Variants in MYO5B observed in about 807,000 individuals in gnomAD.
MYO5B encodes the protein unconventional myosin-Vb.
In MYO5B, 143 loss-of-function variants were observed where a neutral mutation model predicts 229.3. The ratio of observed to expected loss-of-function variants is 0.62; its 90% CI spans 0.54 to 0.72. MYO5B has a LOEUF of 0.72. MYO5B is among the 30% of genes least tolerant of loss of function. The probability of loss-of-function intolerance (pLI) is 0.00; values close to 1 mark genes in which losing one functional copy is unlikely to be tolerated. For missense variants in MYO5B, 2,321 were observed against 2,331.0 expected (o/e 1.00, Z 0.09); for synonymous variants, 918 against 885.2 (o/e 1.04, Z -0.66).
intron 25 of MYO5B, among the ~76,000 whole-genome samples, chr18:49,877,122 TACGTGCGCGCACAC>T (rs2024533477): frequency 6.7e-6 from 1 of 150,228 alleles, no homozygotes; most frequent in Non-Finnish European, 1.5e-5. Flanking sequence ...GTTCTGTGTG[TACGTGCGCGCACAC>T]ACACGCGCGC....
At chr18:50,115,011 CGAAG>C in intron 1 of MYO5B, among the ~76,000 whole-genome samples, 1 of 152,346 alleles carries the variant, frequency 6.6e-6, no homozygotes, top group East Asian at 1.9e-4. Flanking sequence ...AGAACAGAGA[CGAAG>C]CCAGAGGACA....
chr18:50,114,039 C>G (rs2031913860), intron 1 of MYO5B, among the ~76,000 whole-genome samples: 2 of 152,202 alleles, frequency 1.3e-5, no homozygotes. Context: ...GCCACCTGAG[C>G]TTGGCTTTGT....
At chr18:50,116,973 G>A (rs766698469) in intron 1 of MYO5B, among the ~76,000 whole-genome samples, 1 of 152,088 alleles carries the variant, frequency 6.6e-6, no homozygotes, top group Non-Finnish European at 1.5e-5. Flanking sequence ...TTTTGACAAT[G>A]ACACACTGTC....
At chr18:49,834,198 G>C (rs1264851011) in intron 39 of MYO5B, among the ~76,000 whole-genome samples, 1 of 152,188 alleles carries the variant, frequency 6.6e-6, no homozygotes, top group East Asian at 1.9e-4. Flanking sequence ...AAAGGGAACA[G>C]GTTCTTGTAC....
chr18:50,020,968 G>A (rs1416280757), intron 4 of MYO5B, among the ~76,000 whole-genome samples: 3 of 152,188 alleles, frequency 2.0e-5, no homozygotes, highest in African/African-American at 7.2e-5. Flanking sequence ...GGGCATTCCT[G>A]TAGCTCAAAC....
chr18:50,124,324 C>T (rs549033723), intron 1 of MYO5B, among the ~76,000 whole-genome samples: 27 of 152,274 alleles, frequency 1.8e-4, no homozygotes, highest in Non-Finnish European at 3.4e-4. Context: ...ACATTTTCCT[C>T]AACATGTGGC....
At chr18:50,004,748 T>G (rs61264058) in intron 4 of MYO5B, among the ~76,000 whole-genome samples, 1,918 of 152,002 alleles carry the variant, frequency 0.013, 40 homozygotes, top group African/African-American at 0.043. Flanking sequence ...CAGAGCAAGA[T>G]CTCAACTCTT....
intron 1 of MYO5B, among the ~76,000 whole-genome samples, chr18:50,118,171 G>A (rs1628233): frequency 0.27 from 40,609 of 152,022 alleles, 5,953 homozygotes; most frequent in Admixed American, 0.42. Context: ...TAAACCCTGA[G>A]ACCAGCTAGC....
At chr18:50,065,082 T>A (rs2030785886) in intron 1 of MYO5B, among the ~76,000 whole-genome samples, 1 of 152,196 alleles carries the variant, frequency 6.6e-6, no homozygotes, top group South Asian at 2.1e-4. Context: ...AGCTCTCAAT[T>A]TTCCTTCCAC....
At chr18:50,118,860 C>A (rs142049972) in intron 1 of MYO5B, among the ~76,000 whole-genome samples, 1 of 152,236 alleles carries the variant, frequency 6.6e-6, no homozygotes, top group East Asian at 1.9e-4. Flanking sequence ...TTCTAACAAG[C>A]TCCCAGGTGC....
At chr18:50,042,707 C>A (rs567334543) in intron 2 of MYO5B, among the ~76,000 whole-genome samples, 25 of 152,304 alleles carry the variant, frequency 1.6e-4, no homozygotes, top group South Asian at 1.4e-3. Flanking sequence ...TCCCTCCCCA[C>A]AAAGCATCCC....
chr18:49,870,162 A>C (rs752029201), intron 27 of MYO5B, among the ~76,000 whole-genome samples: 3 of 152,214 alleles, frequency 2.0e-5, no homozygotes, highest in African/African-American at 4.8e-5. Context: ...GGAGATCTCT[A>C]TGACACACCC....
At chr18:50,043,345 T>TC (rs1568083227) in intron 2 of MYO5B, among the ~76,000 whole-genome samples, 1 of 114,230 alleles carries the variant, frequency 8.8e-6, no homozygotes, top group African/African-American at 3.6e-5. Flanking sequence ...ATATTTATAT[T>TC]ATATATAATA....
chr18:49,933,049 T>C (rs992505531), intron 16 of MYO5B, among the ~76,000 whole-genome samples: 1 of 152,200 alleles, frequency 6.6e-6, no homozygotes, highest in Non-Finnish European at 1.5e-5. Flanking sequence ...GCCTGCTGGA[T>C]GCAAAGAGAG....
chr18:50,174,048 C>T (rs1342671679), intron 1 of MYO5B, among the ~76,000 whole-genome samples: 2 of 152,046 alleles, frequency 1.3e-5, no homozygotes, highest in African/African-American at 4.8e-5. Flanking sequence ...CCATTAAGGG[C>T]CCAAATAGAA....
At chr18:50,076,304 G>A (rs2031076445) in intron 1 of MYO5B, among the ~76,000 whole-genome samples, 1 of 152,172 alleles carries the variant, frequency 6.6e-6, no homozygotes, top group African/African-American at 2.4e-5. Context: ...CAAGGTTGAG[G>A]AGGTGGCAGT....
chr18:49,877,988 C>T (rs963612087), intron 24 of MYO5B, 106 bp from the exon 25 acceptor site: 3 of 1,353,180 alleles, frequency 2.2e-6, no homozygotes, highest in East Asian at 2.3e-5. Flanking sequence ...AATTTGTCAA[C>T]AAGAATAGGT....
intron 1 of MYO5B, among the ~76,000 whole-genome samples, chr18:50,168,579 T>A (rs1177782286): frequency 6.6e-6 from 1 of 152,154 alleles, no homozygotes; most frequent in Non-Finnish European, 1.5e-5. Context: ...CCAGGACAGA[T>A]GTGCTCCAGA....
chr18:50,108,045 A>T (rs1006131948), intron 1 of MYO5B, among the ~76,000 whole-genome samples: 7 of 152,208 alleles, frequency 4.6e-5, no homozygotes, highest in Middle Eastern at 3.4e-3. Context: ...AGCAGCTGGG[A>T]TTACAGGCAT....
Sources: allele counts gnomAD v4.1 joint callset (sites outside exome capture counted in the v4.1 genomes callset), GRCh38; gene constraint gnomAD v4.1.1; transcripts MANE v1.5; gene names NCBI Gene and HGNC (gene_info 2026-07-23, HGNC 2026-07-21).